Variants in ELAPOR2 observed in about 807,000 individuals in gnomAD.
The protein encoded by ELAPOR2 is endosome/lysosome-associated apoptosis and autophagy regulator family member 2.
A neutral mutation model predicts 120.7 loss-of-function variants in ELAPOR2; 89 were observed. That is an observed-to-expected ratio of 0.74 (90% confidence interval 0.62 to 0.88). The LOEUF is 0.88. ELAPOR2 is among the 40% of genes least tolerant of loss of function. The probability of loss-of-function intolerance (pLI) is 0.00; values close to 1 mark genes in which losing one functional copy is unlikely to be tolerated. For synonymous variants in ELAPOR2, 444 were observed against 444.9 expected (o/e 1.00, Z 0.03); for missense variants, 1,134 against 1,251.6 (o/e 0.91, Z 1.42).
At chr7:87,053,423 G>T (rs1289785530) in intron 1 of ELAPOR2, among the ~76,000 whole-genome samples, 1 of 152,180 alleles carries the variant, frequency 6.6e-6, no homozygotes, top group Admixed American at 6.5e-5. Context: ...AACAAATGGT[G>T]CCTTTGTGTG....
chr7:86,893,839 T>C (rs1263830874), intron 19 of ELAPOR2, among the ~76,000 whole-genome samples: 1 of 152,096 alleles, frequency 6.6e-6, no homozygotes, highest in Non-Finnish European at 1.5e-5. Flanking sequence ...CCAGGAATTT[T>C]TTAAAATAGA....
At chr7:87,036,404 A>G (rs1794589637) in intron 1 of ELAPOR2, among the ~76,000 whole-genome samples, 1 of 152,188 alleles carries the variant, frequency 6.6e-6, no homozygotes. Context: ...GGATCACTGG[A>G]GCTCTGGGAG....
intron 1 of ELAPOR2, among the ~76,000 whole-genome samples, chr7:87,029,127 G>T (rs1306782945): frequency 6.6e-6 from 1 of 151,966 alleles, no homozygotes; most frequent in South Asian, 2.1e-4. Context: ...TCATGTATTT[G>T]TATAATGTCT....
chr7:87,059,212 T>C lies in ELAPOR2; in HGVS notation c.189+113A>G, dbSNP rs541693144. 6 of 1,226,060 alleles carry C rather than the reference T, an allele frequency of 4.9e-6. No individual in the cohort carries two copies. The South Asian group carries it at 2.6e-4, about 52-fold the overall frequency. 75.9% of individuals were successfully genotyped at this position (1,226,060 alleles called of 1,614,324 possible). A position where few individuals can be genotyped will look rare whatever the true frequency, so the allele number is the denominator to read the frequency against. Reference sequence around the variant, plus strand: ...TCGAAGCAAACGAAAGCCCCTGTTCTCCAAGCAAAGGAAAAGGGGATGGCA... The same window carrying C: ...TCGAAGCAAACGAAAGCCCCTGTTCCCCAAGCAAAGGAAAAGGGGATGGCA... On this transcript the variant is annotated intron_variant, in intron 1 of 21. Transcript: ENST00000450689.
At chr7:86,885,938 T>C (rs1799667623) in intron 21 of ELAPOR2, among the ~76,000 whole-genome samples, 3 of 152,132 alleles carry the variant, frequency 2.0e-5, no homozygotes, top group South Asian at 2.1e-4. Context: ...CAGTAGGCAG[T>C]AGGATACCCC....
chr7:86,919,080 C>T, intron 11 of ELAPOR2, 140 bp downstream of exon 11: 1 of 571,586 alleles, frequency 1.7e-6, no homozygotes. Context: ...CAATATAATA[C>T]ATTACCCTGT....
At chr7:86,971,173 A>G (rs962808997) in intron 1 of ELAPOR2, among the ~76,000 whole-genome samples, 3 of 152,182 alleles carry the variant, frequency 2.0e-5, no homozygotes, top group African/African-American at 7.2e-5. Context: ...CCATTACTAT[A>G]TTTAAGACTA....
intron 1 of ELAPOR2, among the ~76,000 whole-genome samples, chr7:87,051,174 G>A (rs947537646): frequency 9.2e-5 from 14 of 152,100 alleles, no homozygotes; most frequent in African/African-American, 3.1e-4. Context: ...AAAGACAGGA[G>A]GGCCAAGAAT....
intron 1 of ELAPOR2, among the ~76,000 whole-genome samples, chr7:87,055,780 T>C (rs764194347): frequency 1.3e-5 from 2 of 152,208 alleles, no homozygotes; most frequent in Non-Finnish European, 2.9e-5. Flanking sequence ...TTAAATTATA[T>C]TCTTTAAATT....
At chr7:86,979,167 C>G (rs1792376991) in intron 1 of ELAPOR2, among the ~76,000 whole-genome samples, 2 of 151,976 alleles carry the variant, frequency 1.3e-5, no homozygotes, top group African/African-American at 4.8e-5. Context: ...GCAAAGAGAC[C>G]AAAAGTTAAT....
chr7:86,881,800 G>A (rs1049650890), intron 21 of ELAPOR2, among the ~76,000 whole-genome samples: 1 of 152,180 alleles, frequency 6.6e-6, no homozygotes, highest in Non-Finnish European at 1.5e-5. Context: ...TAAAAATGAA[G>A]AGAACTATGA....
chr7:86,929,333 A>G (rs1456084440), intron 8 of ELAPOR2, among the ~76,000 whole-genome samples: 1 of 151,962 alleles, frequency 6.6e-6, no homozygotes, highest in Non-Finnish European at 1.5e-5. Context: ...CATCAGGGCT[A>G]AATTACATGT....
At chr7:86,928,931 T>C (rs1466801703) in intron 8 of ELAPOR2, among the ~76,000 whole-genome samples, 6 of 151,866 alleles carry the variant, frequency 4.0e-5, no homozygotes, top group African/African-American at 7.3e-5. Context: ...GCTGACTAGG[T>C]AAAGATAATA....
intron 19 of ELAPOR2, among the ~76,000 whole-genome samples, chr7:86,896,352 A>G (rs1334753807): frequency 1.3e-5 from 2 of 152,080 alleles, no homozygotes; most frequent in East Asian, 1.9e-4. Context: ...CACTGCCGTT[A>G]AAGTTTGAAA....
intron 1 of ELAPOR2, among the ~76,000 whole-genome samples, chr7:87,039,674 G>C (rs1217181439): frequency 6.6e-6 from 1 of 152,102 alleles, no homozygotes; most frequent in Non-Finnish European, 1.5e-5. Context: ...CATTTCAATT[G>C]ATGCTGAAAA....
chr7:86,916,654 G>A (rs933991404), intron 12 of ELAPOR2, among the ~76,000 whole-genome samples: 1 of 152,130 alleles, frequency 6.6e-6, no homozygotes, highest in African/African-American at 2.4e-5. Flanking sequence ...TATTCAGTAA[G>A]ACTAAGCTGA....
intron 1 of ELAPOR2, among the ~76,000 whole-genome samples, chr7:87,046,420 T>C (rs1794959584): frequency 6.6e-6 from 1 of 152,224 alleles, no homozygotes. Context: ...GTACCTACGA[T>C]ATTCTTCAAA....
chr7:86,923,829 G>A (rs918418636), intron 10 of ELAPOR2, among the ~76,000 whole-genome samples: 2 of 152,012 alleles, frequency 1.3e-5, no homozygotes, highest in African/African-American at 4.8e-5. Context: ...ACATCTTCAT[G>A]AATAAAAACT....
At chr7:87,004,454 C>A (rs1793410149) in intron 1 of ELAPOR2, among the ~76,000 whole-genome samples, 1 of 152,186 alleles carries the variant, frequency 6.6e-6, no homozygotes, top group Non-Finnish European at 1.5e-5. Flanking sequence ...TGTCCACACA[C>A]CAAACATAAT....
Sources: allele counts gnomAD v4.1 joint callset (sites outside exome capture counted in the v4.1 genomes callset), GRCh38; gene constraint gnomAD v4.1.1; transcripts MANE v1.5; gene names NCBI Gene and HGNC (gene_info 2026-07-23, HGNC 2026-07-21).